SMARCC1: variants seen among roughly 807,000 people sequenced by gnomAD.
SMARCC1 encodes the protein SWI/SNF related BAF chromatin remodeling complex subunit C1.
SMARCC1 carries 43 observed loss-of-function variants against 147.4 expected under a neutral mutation model. The observed-to-expected ratio is 0.29, with a 90% CI of 0.23 to 0.38. SMARCC1 has a LOEUF of 0.38. SMARCC1 is among the 10% of genes least tolerant of loss of function. The probability of loss-of-function intolerance (pLI) is 1.00; values close to 1 mark genes in which losing one functional copy is unlikely to be tolerated. For missense variants in SMARCC1, 1,119 were observed against 1,381.1 expected (o/e 0.81, Z 3.01); for synonymous variants, 495 against 484.4 (o/e 1.02, Z -0.29).
chr3:47,712,125 G>A (rs898976083), intron 8 of SMARCC1, among the ~76,000 whole-genome samples: 6 of 152,166 alleles, frequency 3.9e-5, no homozygotes, highest in Admixed American at 6.5e-5. Flanking sequence ...CCAGCTACTC[G>A]GGAGGCTGAG....
intron 6 of SMARCC1, 78 bp downstream of exon 6, chr3:47,728,947 A>C (rs1379072357): frequency 3.7e-5 from 32 of 871,560 alleles, no homozygotes; most frequent in Non-Finnish European, 5.4e-5. Context: ...TATTCTGTTT[A>C]AGTCTTTGGG....
At chr3:47,697,229 G>C (rs1184289480) in intron 11 of SMARCC1, among the ~76,000 whole-genome samples, 1 of 151,994 alleles carries the variant, frequency 6.6e-6, no homozygotes, top group African/African-American at 2.4e-5. Context: ...TGAGGTGGGA[G>C]TATCACTTGA....
chr3:47,662,265 G>A lies in SMARCC1; in HGVS notation c.2158+69C>T, dbSNP rs931986890. 9.5e-5 allele frequency: 121 copies of A among 1,268,650 alleles called. 1 individual carries two copies. The highest frequency in any genetic ancestry group is 2.4e-4 in the South Asian group (18 of 74,906). The allele number at this position is 1,268,650 out of a possible 1,614,324, so 78.6% of individuals were successfully genotyped here. A position where few individuals can be genotyped will look rare whatever the true frequency, so the allele number is the denominator to read the frequency against. On this transcript the variant is annotated intron_variant, in intron 20 of 27. Transcript: ENST00000254480. ...TTACATTAAAAGAAATGAATGTAAC[G>A]GCTGGTAATATTTAAATTGGGATAA...
At chr3:47,764,611 T>C (rs1207986243) in intron 2 of SMARCC1, among the ~76,000 whole-genome samples, 2 of 152,120 alleles carry the variant, frequency 1.3e-5, no homozygotes, top group African/African-American at 4.8e-5. Context: ...TACTAGTCCA[T>C]GTCTCCAGCA....
At chr3:47,606,881 T>A (rs1203427010) in intron 26 of SMARCC1, among the ~76,000 whole-genome samples, 1 of 150,776 alleles carries the variant, frequency 6.6e-6, no homozygotes, top group South Asian at 2.1e-4. Context: ...TGGCTACTTT[T>A]TTTTTTTTTT....
In SMARCC1 at chr3:47,585,613, C is replaced by T. The variant is rs2032059741; in HGVS notation, c.*2596G>A. The stretch of plus-strand genomic sequence containing the variant: ...TCCTGACAAACATTATCCCATTCAC[C>T]AAGCAAAGCTATTTCTCACACCTGG... On this transcript the variant is annotated 3_prime_UTR_variant, in exon 28 of 28. Coordinates refer to ENST00000254480, the MANE Select transcript of SMARCC1 (RefSeq NM_003074.4). The T allele has an allele frequency of 6.6e-6, 1 of 152,200 alleles. No homozygotes were observed. Among genetic ancestry groups the T allele is most frequent in the Admixed American group, 6.5e-5 (1 of 15,288 alleles). 9.4% of individuals were successfully genotyped at this position (152,200 alleles called of 1,614,324 possible). A position where few individuals can be genotyped will look rare whatever the true frequency, so the allele number is the denominator to read the frequency against.
chr3:47,730,691 C>T (rs992277506), intron 5 of SMARCC1, among the ~76,000 whole-genome samples: 5 of 151,822 alleles, frequency 3.3e-5, no homozygotes, highest in African/African-American at 4.8e-5. Context: ...CGTGGTGAAA[C>T]GCGTGTCTAT....
chr3:47,684,133 G>C (rs982244271), intron 14 of SMARCC1, among the ~76,000 whole-genome samples: 1 of 151,178 alleles, frequency 6.6e-6, no homozygotes, highest in Non-Finnish European at 1.5e-5. Flanking sequence ...CCAGCTACTT[G>C]GGAGGCTGAG....
intron 19 of SMARCC1, among the ~76,000 whole-genome samples, chr3:47,669,553 T>A (rs1036126791): frequency 2.6e-5 from 4 of 152,004 alleles, no homozygotes; most frequent in Non-Finnish European, 4.4e-5. Context: ...GATAGTTAAA[T>A]AAATAAGTAA....
At chr3:47,757,592 C>T (rs1447090995) in intron 2 of SMARCC1, among the ~76,000 whole-genome samples, 1 of 151,684 alleles carries the variant, frequency 6.6e-6, no homozygotes, top group Admixed American at 6.6e-5. Context: ...CTGGCTAACA[C>T]GTGAAACTGG....
intron 8 of SMARCC1, among the ~76,000 whole-genome samples, chr3:47,713,748 A>G (rs765577641): frequency 3.9e-5 from 6 of 152,186 alleles, no homozygotes; most frequent in Non-Finnish European, 8.8e-5. Flanking sequence ...CTCTTATTAC[A>G]TTATGGTAGA....
chr3:47,685,333 T>C (rs184559707), intron 14 of SMARCC1, among the ~76,000 whole-genome samples: 4 of 152,330 alleles, frequency 2.6e-5, no homozygotes, highest in Middle Eastern at 3.4e-3. Context: ...CGGAAAATTA[T>C]GAATTGTTTA....
Position 47,648,090 on chromosome 3 carries a change from G to A in SMARCC1, c.2321-9310C>T, listed in dbSNP as rs1036457543. On this transcript the variant is annotated intron_variant, in intron 21 of 27. Transcript: ENST00000254480. ...GCTCAATGCAGTCTTTGCCTCCTGG[G>A]TTCAAGTGATTCTTATGCCTCAGCC... is the stretch of plus-strand genomic sequence containing the variant. Among the ~76,000 whole-genome samples, 3 of 152,236 alleles carry A rather than the reference G, an allele frequency of 2.0e-5. No individual in the cohort carries two copies. The South Asian group carries it at 6.2e-4, about 32-fold the overall frequency.
intron 25 of SMARCC1, among the ~76,000 whole-genome samples, chr3:47,611,333 A>C (rs542638928): frequency 1.2e-4 from 19 of 152,344 alleles, no homozygotes; most frequent in Admixed American, 1.2e-3. Context: ...AGCCACACAC[A>C]GCTACTGAGC....
intron 24 of SMARCC1, among the ~76,000 whole-genome samples, chr3:47,633,775 TATATACACACACACACACAC>T (rs2032929150): frequency 1.6e-4 from 3 of 18,638 alleles, no homozygotes; most frequent in African/African-American, 2.8e-4. Flanking sequence ...TATATATATA[TATATACACACACACACACAC>T]ACACACACAC....
In SMARCC1 at chr3:47,700,882, C is replaced by G. The variant is rs1013768511; in HGVS notation, c.1165+396G>C. ...AGGCCAGAATTTACATAACTGGTAA[C>G]TAAGGTTCATCACACTTAGAAGAAA... On this transcript the variant is annotated intron_variant, in intron 11 of 27. Transcript: ENST00000254480. Among the ~76,000 whole-genome samples, 22 of 152,146 alleles carry G rather than the reference C, an allele frequency of 1.4e-4. 1 individual carries two copies. Among genetic ancestry groups the G allele is most frequent in the Non-Finnish European group, 2.9e-4 (20 of 68,026 alleles).
At chr3:47,768,875 GCTTTTA>G (rs2034872827) in intron 2 of SMARCC1, among the ~76,000 whole-genome samples, 2 of 152,178 alleles carry the variant, frequency 1.3e-5, no homozygotes, top group South Asian at 2.1e-4. Flanking sequence ...AATCTTGTAA[GCTTTTA>G]CTTTTAAGTA....
intron 10 of SMARCC1, among the ~76,000 whole-genome samples, chr3:47,703,941 CG>C: frequency 6.6e-6 from 1 of 152,158 alleles, no homozygotes; most frequent in African/African-American, 2.4e-5. Flanking sequence ...GGACTACAGG[CG>C]CCTGCCACCA....
intron 24 of SMARCC1, among the ~76,000 whole-genome samples, chr3:47,627,907 G>A (rs1403297137): frequency 6.6e-6 from 1 of 151,868 alleles, no homozygotes; most frequent in South Asian, 2.1e-4. Context: ...ACTTTTTGTA[G>A]AGACATGATC....
Sources: allele counts gnomAD v4.1 joint callset (sites outside exome capture counted in the v4.1 genomes callset), GRCh38; gene constraint gnomAD v4.1.1; transcripts MANE v1.5; gene names NCBI Gene and HGNC (gene_info 2026-07-23, HGNC 2026-07-21).